Variants in MTA3 observed in about 807,000 individuals in gnomAD.
The protein encoded by MTA3 is metastasis-associated protein MTA3.
In MTA3, 34 loss-of-function variants were observed where a neutral mutation model predicts 83.5. The observed-to-expected ratio is 0.41, with a 90% confidence interval of 0.31 to 0.54. MTA3 has a LOEUF of 0.54. Ranked by LOEUF, MTA3 falls within the 20% of genes least tolerant of loss-of-function variation. The pLI is 0.33. For missense variants in MTA3, 761 were observed against 726.4 expected, an observed-to-expected ratio of 1.05 and a Z score of -0.55; for synonymous variants, 303 against 252.7, an observed-to-expected ratio of 1.20 and a Z score of -1.89.
chr2:42,518,603 T>C (rs367885865), intron 2 of MTA3, among the ~76,000 whole-genome samples: 121 of 152,292 alleles, frequency 7.9e-4, no homozygotes, highest in South Asian at 3.7e-3. Flanking sequence ...ATCATTGATG[T>C]AGCTATTCCA....
At chr2:42,658,407 A>C (rs1177339961) in intron 7 of MTA3, among the ~76,000 whole-genome samples, 2 of 152,242 alleles carry the variant, frequency 1.3e-5, no homozygotes, top group Admixed American at 1.3e-4. Flanking sequence ...AACTGGAAAC[A>C]CATGGAATGT....
At chr2:42,742,199 C>G (rs1394088508) in intron 16 of MTA3, among the ~76,000 whole-genome samples, 3 of 151,036 alleles carry the variant, frequency 2.0e-5, no homozygotes, top group African/African-American at 7.3e-5. Context: ...AGTGCAGTGG[C>G]ATGATCTCAG....
At chr2:42,673,167 C>G (rs1268752245) in intron 8 of MTA3, among the ~76,000 whole-genome samples, 1 of 148,292 alleles carries the variant, frequency 6.7e-6, no homozygotes, top group Non-Finnish European at 1.5e-5. Context: ...ATATGAAAAA[C>G]TTTGTCCATA....
At chr2:42,642,626 T>G (rs1260702496) in intron 5 of MTA3, among the ~76,000 whole-genome samples, 5 of 151,434 alleles carry the variant, frequency 3.3e-5, no homozygotes, top group African/African-American at 9.7e-5. Context: ...GATCATCCCC[T>G]GTAGCTTTGT....
intron 11 of MTA3, 60 bp downstream of exon 11, chr2:42,697,894 A>T: frequency 8.1e-7 from 1 of 1,238,510 alleles, no homozygotes; most frequent in Non-Finnish European, 1.1e-6. Flanking sequence ...ATTGCAGAAT[A>T]TGTCATTTTG....
intron 2 of MTA3, among the ~76,000 whole-genome samples, chr2:42,561,553 C>T (rs1397391693): frequency 6.6e-6 from 1 of 152,116 alleles, no homozygotes; most frequent in Non-Finnish European, 1.5e-5. Context: ...AAACTCCTGA[C>T]ATCAGGTGAT....
At chr2:42,659,120 A>G (rs1417308543) in intron 7 of MTA3, among the ~76,000 whole-genome samples, 1 of 152,078 alleles carries the variant, frequency 6.6e-6, no homozygotes, top group Non-Finnish European at 1.5e-5. Flanking sequence ...TAATAAAAAT[A>G]AAAAATCTCT....
intron 8 of MTA3, among the ~76,000 whole-genome samples, chr2:42,673,115 A>C (rs1295201479): frequency 6.6e-6 from 1 of 151,686 alleles, no homozygotes; most frequent in Admixed American, 6.6e-5. Context: ...TGACCTCCCA[A>C]AGTGCTGGGA....
intron 3 of MTA3, among the ~76,000 whole-genome samples, chr2:42,609,119 C>CT (rs1683868066): frequency 6.6e-6 from 1 of 151,298 alleles, no homozygotes. Flanking sequence ...CAAACTCCAC[C>CT]CCCTGGATTC....
Position 42,660,128 on chromosome 2 carries a change from C to T in MTA3, c.702+266C>T, listed in dbSNP as rs188976030. 4.3e-3 allele frequency among the ~76,000 whole-genome samples: 642 copies of T among 150,824 alleles called. 7 individuals carry two copies. The highest frequency in any genetic ancestry group is 0.015 in the African/African-American group (614 of 41,082). On this transcript the variant is annotated intron_variant, in intron 8 of 16. Coordinates refer to ENST00000405094, the MANE Select transcript of MTA3 (RefSeq NM_001330442.2). ...ATTTGGAGATGGAGTCTTGCTCTGT[C>T]ACCAGGCTGGAGTGCAGTGGCATGA...
chr2:42,640,599 T>C (rs1392111616), intron 5 of MTA3, among the ~76,000 whole-genome samples: 6 of 152,232 alleles, frequency 3.9e-5, no homozygotes, highest in Non-Finnish European at 8.8e-5. Flanking sequence ...GGTTTTTCTT[T>C]TAGACTGTTT....
intron 2 of MTA3, among the ~76,000 whole-genome samples, chr2:42,523,536 C>G (rs1361489856): frequency 1.3e-5 from 2 of 152,154 alleles, no homozygotes; most frequent in African/African-American, 2.4e-5. Flanking sequence ...TGCCTGCCGA[C>G]CTAGACGCTC....
rs1420068322 is a variant in MTA3, at chr2:42,568,704, C to T, written c.-42C>T. On this transcript the variant is annotated 5_prime_UTR_variant, in exon 1 of 17. Transcript: ENST00000405094. Reference sequence around the variant, plus strand: ...GAGGCTGAGGAGGAGGCGGCGGCGGCGGGCGGGGCTCGGCTCGGGCTCCGC... The same window carrying T: ...GAGGCTGAGGAGGAGGCGGCGGCGGTGGGCGGGGCTCGGCTCGGGCTCCGC... 37 of 1,200,088 alleles carry T rather than the reference C, an allele frequency of 3.1e-5. No homozygotes were observed. Among genetic ancestry groups the T allele is most frequent in the South Asian group, 8.3e-5 (2 of 24,120 alleles). The allele number at this position is 1,200,088 out of a possible 1,614,324, so 74.3% of individuals were successfully genotyped here.
chr2:42,742,242 A>G (rs1971137), intron 16 of MTA3, among the ~76,000 whole-genome samples: 101,103 of 151,560 alleles, frequency 0.67, 34,010 homozygotes, highest in East Asian at 0.8. Flanking sequence ...GTGTTCAAGT[A>G]ATTCTCCTGC....
upstream of MTA3, among the ~76,000 whole-genome samples, chr2:42,567,310 T>C (rs1294384464): frequency 3.3e-5 from 5 of 152,208 alleles, no homozygotes; most frequent in East Asian, 3.8e-4. Context: ...TGTAATTCAA[T>C]AGTGCTTTAT....
chr2:42,680,327 T>C, intron 8 of MTA3: 1 of 152,412 alleles, frequency 6.6e-6, no homozygotes, highest in African/African-American at 2.4e-5. Flanking sequence ...TGCAGTGGCA[T>C]AGCTGGCACT....
At chr2:42,499,744 A>G (rs1674310173) in intron 2 of MTA3, among the ~76,000 whole-genome samples, 1 of 150,460 alleles carries the variant, frequency 6.6e-6, no homozygotes, top group Non-Finnish European at 1.5e-5. Flanking sequence ...GCTGAGATCA[A>G]GGCAATGCAC....
chr2:42,696,785 T>C (rs1693424656), intron 10 of MTA3, among the ~76,000 whole-genome samples: 1 of 152,174 alleles, frequency 6.6e-6, no homozygotes, highest in African/African-American at 2.4e-5. Flanking sequence ...GGTGAATTGC[T>C]GAGGTCACAA....
chr2:42,640,408 G>T (rs1027549476), intron 5 of MTA3, among the ~76,000 whole-genome samples, 172 bp downstream of exon 5: 4 of 152,094 alleles, frequency 2.6e-5, no homozygotes, highest in Non-Finnish European at 5.9e-5. Flanking sequence ...TGATTTTTCT[G>T]GTTATCTGAG....
Sources: gnomAD v4.1 joint callset for allele counts (sites outside exome capture counted in the v4.1 genomes callset) on GRCh38, gnomAD v4.1.1 for gene constraint, MANE v1.5 for transcripts, NCBI Gene and HGNC (gene_info 2026-07-23, HGNC 2026-07-21) for gene names.